MAD1L1: variants seen among roughly 807,000 people sequenced by gnomAD.
MAD1L1 encodes mitotic spindle assembly checkpoint protein MAD1.
In MAD1L1, 95 loss-of-function variants were observed where a neutral mutation model predicts 96.9. The observed-to-expected ratio is 0.98, with a 90% CI of 0.83 to 1.16. MAD1L1 has a LOEUF of 1.16. Ranked by LOEUF, MAD1L1 falls within the 50% of genes most tolerant of loss-of-function variation. The pLI is 0.00. For missense variants in MAD1L1, 1,007 were observed against 954.4 expected, an observed-to-expected ratio of 1.06 and a Z score of -0.73; for synonymous variants, 473 against 396.6, an observed-to-expected ratio of 1.19 and a Z score of -2.29.
At chr7:1,913,361 G>A (rs1054973217) in intron 17 of MAD1L1, among the ~76,000 whole-genome samples, 7 of 152,204 alleles carry the variant, frequency 4.6e-5, no homozygotes, top group Non-Finnish European at 8.8e-5. Flanking sequence ...AAGCGGCCTG[G>A]GGTGGCGTGG....
chr7:1,877,760 C>T (rs1204288789), intron 18 of MAD1L1, among the ~76,000 whole-genome samples: 1 of 152,010 alleles, frequency 6.6e-6, no homozygotes, highest in African/African-American at 2.4e-5. Flanking sequence ...TCAAGTCAGA[C>T]TTCAGAACAA....
chr7:1,945,969 C>A (rs1779211187), intron 16 of MAD1L1, among the ~76,000 whole-genome samples: 1 of 152,196 alleles, frequency 6.6e-6, no homozygotes, highest in South Asian at 2.1e-4. Flanking sequence ...ACATACCAAG[C>A]CTCCAGCCCA....
chr7:2,083,417 GT>G (rs1398016747), intron 11 of MAD1L1, among the ~76,000 whole-genome samples: 1 of 152,224 alleles, frequency 6.6e-6, no homozygotes, highest in South Asian at 2.1e-4. Context: ...AAAAGGCAGG[GT>G]TAGTGCTTGT....
At chr7:1,846,424 C>CCA (rs1410963194) in intron 18 of MAD1L1, 1 of 152,904 alleles carries the variant, frequency 6.5e-6, no homozygotes, top group Non-Finnish European at 1.5e-5. Context: ...ATGGATGACA[C>CCA]CACAGCCACC....
At chr7:1,965,749 G>A (rs1583937486) in intron 15 of MAD1L1, among the ~76,000 whole-genome samples, 1 of 152,372 alleles carries the variant, frequency 6.6e-6, no homozygotes, top group East Asian at 1.9e-4. Flanking sequence ...TTCCAGATGG[G>A]CAGGACAAAC....
At chr7:1,910,739 G>A (rs1787962864) in intron 17 of MAD1L1, among the ~76,000 whole-genome samples, 2 of 152,216 alleles carry the variant, frequency 1.3e-5, no homozygotes, top group Admixed American at 1.3e-4. Context: ...TTGAGTAGGT[G>A]CCTGTCCGGG....
At chr7:2,066,510 G>C (rs558700867) in intron 12 of MAD1L1, among the ~76,000 whole-genome samples, 8 of 152,360 alleles carry the variant, frequency 5.3e-5, no homozygotes, top group African/African-American at 1.9e-4. Flanking sequence ...ACACAGAGCA[G>C]GCCCGCGAGC....
intron 18 of MAD1L1, among the ~76,000 whole-genome samples, chr7:1,881,569 G>A (rs1785682479): frequency 6.6e-6 from 1 of 152,136 alleles, no homozygotes; most frequent in Admixed American, 6.5e-5. Context: ...CCTACAACAA[G>A]GAAATATTTT....
chr7:1,866,612 T>C (rs938351178), intron 18 of MAD1L1, among the ~76,000 whole-genome samples: 4 of 152,148 alleles, frequency 2.6e-5, no homozygotes, highest in African/African-American at 7.2e-5. Context: ...CACGGGAGGC[T>C]GCGGACAGGC....
intron 4 of MAD1L1, among the ~76,000 whole-genome samples, chr7:2,224,452 C>G (rs1454360542): frequency 6.6e-6 from 1 of 152,200 alleles, no homozygotes; most frequent in Non-Finnish European, 1.5e-5. Context: ...GTGGCCCCCA[C>G]CCCAGCGGTG....
In MAD1L1 at chr7:1,968,174, C is replaced by G. The variant is rs1270052315; in HGVS notation, c.1506-10455G>C. ...GAGAAAGTGCAAACAGCTTCGCGGA[C>G]GAGGCACCCGGCAGAGCACGCCTCA... is the stretch of plus-strand genomic sequence containing the variant. On this transcript the variant is annotated intron_variant, in intron 15 of 18. Transcript: ENST00000265854. This position sits in a 1 kb window ranked among gnomAD's most constrained non-coding sequence, Gnocchi z 5.6. 6.6e-6 allele frequency among the ~76,000 whole-genome samples: 1 copy of G among 152,254 alleles called. No individual in the cohort carries two copies. Among genetic ancestry groups the G allele is most frequent in the African/African-American group, 2.4e-5 (1 of 41,460 alleles).
chr7:2,181,793 G>A (rs1352664345), intron 10 of MAD1L1, among the ~76,000 whole-genome samples: 1 of 150,802 alleles, frequency 6.6e-6, no homozygotes, highest in Non-Finnish European at 1.5e-5. Flanking sequence ...CAACCGAGTG[G>A]ATAAAGAAAA....
chr7:2,102,403 C>A (rs1053779493), intron 11 of MAD1L1, among the ~76,000 whole-genome samples: 1 of 151,436 alleles, frequency 6.6e-6, no homozygotes, highest in African/African-American at 2.4e-5. Flanking sequence ...ATCACTAGCA[C>A]TCTCACCATG....
At chr7:1,826,312 T>C (rs1033843254) in intron 18 of MAD1L1, among the ~76,000 whole-genome samples, 1 of 151,890 alleles carries the variant, frequency 6.6e-6, no homozygotes, top group Admixed American at 6.6e-5. Context: ...GAGAGCAAGC[T>C]TCTCGCTGCT....
chr7:1,838,979 C>A (rs1197288554), intron 18 of MAD1L1: 3 of 368,844 alleles, frequency 8.1e-6, no homozygotes, highest in South Asian at 4.1e-5. Context: ...AGAGTCTGGA[C>A]CCCAGATTTG....
At chr7:1,839,277 A>G (rs1015606404) in intron 18 of MAD1L1, among the ~76,000 whole-genome samples, 1 of 151,776 alleles carries the variant, frequency 6.6e-6, no homozygotes, top group Non-Finnish European at 1.5e-5. Context: ...TCTAGTCCCC[A>G]CCCAGGACAG....
At chr7:2,008,316 G>A (rs990347118) in intron 13 of MAD1L1, among the ~76,000 whole-genome samples, 1 of 152,228 alleles carries the variant, frequency 6.6e-6, no homozygotes, top group Admixed American at 6.5e-5. Flanking sequence ...GATGGAGGCA[G>A]TGGGTGGGCG....
At chr7:1,857,596 C>G (rs1023275753) in intron 18 of MAD1L1, among the ~76,000 whole-genome samples, 1 of 152,178 alleles carries the variant, frequency 6.6e-6, no homozygotes, top group Non-Finnish European at 1.5e-5. Context: ...GGGCTGGGCC[C>G]GAGGATGAGC....
At chr7:1,937,398 G>A (rs2128464232) in intron 16 of MAD1L1, among the ~76,000 whole-genome samples, 1 of 152,316 alleles carries the variant, frequency 6.6e-6, no homozygotes, top group East Asian at 1.9e-4. Flanking sequence ...AGCGTGGGTG[G>A]CTCAGGAATG....
Sources: allele counts gnomAD v4.1 joint callset (sites outside exome capture counted in the v4.1 genomes callset), GRCh38; gene constraint gnomAD v4.1.1; non-coding constraint Gnocchi (gnomAD v3.1); transcripts MANE v1.5; gene names NCBI Gene and HGNC (gene_info 2026-07-23, HGNC 2026-07-21).